Variants in LRRC4C observed in about 807,000 individuals in gnomAD.
LRRC4C encodes leucine rich repeat containing 4C, also known as leucine-rich repeat-containing protein 4C.
Under a neutral mutation model 33.6 loss-of-function variants are expected in LRRC4C, and 5 were observed. That is an observed-to-expected ratio of 0.15 (90% CI 0.08 to 0.31). LRRC4C has a LOEUF of 0.31. LRRC4C is among the 10% of genes least tolerant of loss of function. The pLI, the probability that LRRC4C is intolerant of heterozygous loss-of-function variation, is 1.00. For missense variants in LRRC4C, 560 were observed against 796.7 expected (o/e 0.70, Z 3.58); for synonymous variants, 329 against 302.0 (o/e 1.09, Z -0.93).
intron 1 of LRRC4C, among the ~76,000 whole-genome samples, chr11:41,026,542 CAAG>C (rs1214055113): frequency 6.6e-6 from 1 of 151,416 alleles, no homozygotes; most frequent in African/African-American, 2.4e-5. Context: ...TCCAAACTTG[CAAG>C]AAGTTTTACT....
At chr11:40,545,745 T>C (rs1031276136) in intron 3 of LRRC4C, among the ~76,000 whole-genome samples, 1 of 152,012 alleles carries the variant, frequency 6.6e-6, no homozygotes, top group Non-Finnish European at 1.5e-5. Flanking sequence ...TACCTTTCTG[T>C]AAATGGAACT....
Position 41,254,288 on chromosome 11 carries a change from C to T in LRRC4C, c.-496+205143G>A, listed in dbSNP as rs139841135. ...TTTTTCCAATAAATGCACACCAACC[C>T]ATCACCTTCATTTTTCAAAGTCGGG... On this transcript the variant is annotated intron_variant, in intron 1 of 6. Transcript: ENST00000528697. Among the ~76,000 whole-genome samples, 259 of 152,104 alleles carry T rather than the reference C, an allele frequency of 1.7e-3. 1 individual carries two copies. Among genetic ancestry groups the T allele is most frequent in the African/African-American group, 5.9e-3 (245 of 41,540 alleles).
chr11:40,449,577 T>C (rs1951797255), intron 3 of LRRC4C, among the ~76,000 whole-genome samples: 2 of 152,160 alleles, frequency 1.3e-5, no homozygotes, highest in Admixed American at 1.3e-4. Context: ...CCAAGGTCAC[T>C]TGTTTAATCC....
intron 3 of LRRC4C, among the ~76,000 whole-genome samples, chr11:40,578,844 A>G (rs1008582966): frequency 6.6e-6 from 1 of 152,004 alleles, no homozygotes; most frequent in African/African-American, 2.4e-5. Flanking sequence ...GTGTCTGTTT[A>G]TTTATTTTTT....
At chr11:40,595,973 C>T (rs558597969) in intron 3 of LRRC4C, among the ~76,000 whole-genome samples, 2 of 152,252 alleles carry the variant, frequency 1.3e-5, no homozygotes, top group South Asian at 4.1e-4. Context: ...AGGATAGTTA[C>T]AGAGTGCCTA....
At chr11:41,192,763 G>A (rs1372617297) in intron 1 of LRRC4C, among the ~76,000 whole-genome samples, 1 of 152,026 alleles carries the variant, frequency 6.6e-6, no homozygotes, top group East Asian at 1.9e-4. Flanking sequence ...CCAAAGTAAG[G>A]TTAAGAATCT....
intron 1 of LRRC4C, among the ~76,000 whole-genome samples, chr11:41,006,208 G>A (rs181476579): frequency 6.6e-6 from 1 of 152,306 alleles, no homozygotes; most frequent in African/African-American, 2.4e-5. Flanking sequence ...CCCAATGTGA[G>A]TTTACTTTTT....
chr11:40,892,292 A>C (rs1055197372), intron 2 of LRRC4C, among the ~76,000 whole-genome samples: 1 of 152,206 alleles, frequency 6.6e-6, no homozygotes, highest in Non-Finnish European at 1.5e-5. Flanking sequence ...TTGAAGCACT[A>C]TTCACAACAG....
At chr11:40,413,980 T>A (rs747057073) in intron 3 of LRRC4C, among the ~76,000 whole-genome samples, 2 of 152,134 alleles carry the variant, frequency 1.3e-5, no homozygotes, top group Non-Finnish European at 1.5e-5. Context: ...CTAAGAATTA[T>A]GCACAATTTT....
At chr11:40,405,946 C>A (rs1031093719) in intron 3 of LRRC4C, among the ~76,000 whole-genome samples, 1 of 151,810 alleles carries the variant, frequency 6.6e-6, no homozygotes, top group Admixed American at 6.6e-5. Context: ...GGCCACTTAC[C>A]TTTCTCTGTA....
chr11:40,549,907 C>T (rs992042201), intron 3 of LRRC4C, among the ~76,000 whole-genome samples: 2 of 151,982 alleles, frequency 1.3e-5, no homozygotes, highest in African/African-American at 4.8e-5. Flanking sequence ...CAAATCATAT[C>T]AGAGCATAAA....
At chr11:40,151,863 G>A (rs545493275) in intron 5 of LRRC4C, among the ~76,000 whole-genome samples, 1 of 152,286 alleles carries the variant, frequency 6.6e-6, no homozygotes, top group African/African-American at 2.4e-5. Context: ...ATTCTGGTAA[G>A]TGCCTGCCAA....
At chr11:41,048,199 G>A (rs964548804) in intron 1 of LRRC4C, among the ~76,000 whole-genome samples, 2 of 150,954 alleles carry the variant, frequency 1.3e-5, no homozygotes, top group East Asian at 1.9e-4. Context: ...AACCAGCAAT[G>A]TGTGTTGGGA....
chr11:40,114,785 T>A lies in LRRC4C; in HGVS notation c.1508A>T (p.Lys503Ile). Residue 503 changes from lysine (K) to isoleucine (I), a missense_variant, in exon 7 of 7, where the codon AAA becomes ATA. Lys to Ile is a moderately radical substitution (Grantham distance 102). Coordinates refer to ENST00000528697, the MANE Select transcript of LRRC4C (RefSeq NM_001258419.2). ...ATCAGTCACTGGGATGGTGAAGGTTTTCTCTGTCGACCTTGTGCTCTGTGG... is the reference window on the plus strand; with the variant it reads ...ATCAGTCACTGGGATGGTGAAGGTTATCTCTGTCGACCTTGTGCTCTGTGG... ...LTPQSTRSTE[K>I]TFTIPVTDIN... 6.2e-7 allele frequency: 1 copy of A among 1,614,146 alleles called. No individual in the cohort carries two copies. Among genetic ancestry groups the A allele is most frequent in the South Asian group, 1.1e-5 (1 of 91,076 alleles).
intron 1 of LRRC4C, among the ~76,000 whole-genome samples, chr11:41,372,495 A>G (rs1466515514): frequency 2.0e-5 from 3 of 152,206 alleles, no homozygotes; most frequent in African/African-American, 7.2e-5. Flanking sequence ...GCCACTTCAG[A>G]AACAGGAATG....
At chr11:40,970,569 T>C (rs75419982) in intron 1 of LRRC4C, among the ~76,000 whole-genome samples, 2,400 of 152,232 alleles carry the variant, frequency 0.016, 63 homozygotes, top group African/African-American at 0.055. Context: ...AGAAAATTGG[T>C]ACTGAGCAAA....
At chr11:40,402,575 C>A (rs370460169) in intron 3 of LRRC4C, among the ~76,000 whole-genome samples, 1 of 152,014 alleles carries the variant, frequency 6.6e-6, no homozygotes, top group African/African-American at 2.4e-5. Context: ...TGGGCAAATG[C>A]CAAATTAGAA....
At chr11:40,216,095 A>C (rs1275159746) in intron 5 of LRRC4C, among the ~76,000 whole-genome samples, 1 of 152,188 alleles carries the variant, frequency 6.6e-6, no homozygotes, top group Non-Finnish European at 1.5e-5. Context: ...GGAGCAAATA[A>C]GAAAAATAAG....
intron 2 of LRRC4C, among the ~76,000 whole-genome samples, chr11:40,853,593 C>G (rs547568718): frequency 6.6e-6 from 1 of 152,082 alleles, no homozygotes; most frequent in African/African-American, 2.4e-5. Flanking sequence ...CAAATGCAAT[C>G]ATTCCTTGGA....
Sources: allele counts gnomAD v4.1 joint callset (sites outside exome capture counted in the v4.1 genomes callset), GRCh38; gene constraint gnomAD v4.1.1; transcripts MANE v1.5; gene names NCBI Gene and HGNC (gene_info 2026-07-23, HGNC 2026-07-21).